CSMD3: variants seen among roughly 807,000 people sequenced by gnomAD.
The protein encoded by CSMD3 is CUB and Sushi multiple domains 3, also known as CUB and sushi domain-containing protein 3.
A neutral mutation model predicts 435.2 loss-of-function variants in CSMD3; 177 were observed. The observed-to-expected ratio is 0.41, with a 90% CI of 0.36 to 0.46. The LOEUF (loss-of-function observed/expected upper bound fraction) is 0.46, where lower values mean the gene tolerates loss of function less well. Among genes scored for constraint, CSMD3 ranks in the 20% least tolerant of loss-of-function variants. CSMD3 has a pLI of 0.34. For missense variants in CSMD3, 4,265 were observed against 4,504.6 expected (o/e 0.95, Z 1.52); for synonymous variants, 1,656 against 1,520.5 (o/e 1.09, Z -2.07).
intron 5 of CSMD3, among the ~76,000 whole-genome samples, chr8:113,046,087 T>TA (rs2087817317): frequency 6.7e-6 from 1 of 149,420 alleles, no homozygotes; most frequent in South Asian, 2.1e-4. Flanking sequence ...TCAGCTCATG[T>TA]GGTCTATCGG....
At chr8:112,662,047 C>T (rs942471094) in intron 17 of CSMD3, among the ~76,000 whole-genome samples, 1 of 152,084 alleles carries the variant, frequency 6.6e-6, no homozygotes, top group Admixed American at 6.6e-5. Context: ...GAAGAACATT[C>T]CATGCTCATG....
At chr8:112,977,123 T>C (rs1001022055) in intron 6 of CSMD3, among the ~76,000 whole-genome samples, 4 of 151,988 alleles carry the variant, frequency 2.6e-5, no homozygotes, top group Non-Finnish European at 5.9e-5. Context: ...ATAATACTTA[T>C]ATAATGAAAA....
chr8:112,342,392 C>T (rs1825210299), intron 41 of CSMD3, among the ~76,000 whole-genome samples: 1 of 152,108 alleles, frequency 6.6e-6, no homozygotes, highest in South Asian at 2.1e-4. Context: ...ATTAATTTAA[C>T]ACTCAATTTT....
intron 4 of CSMD3, among the ~76,000 whole-genome samples, chr8:113,163,598 T>C (rs956217904): frequency 1.3e-5 from 2 of 151,962 alleles, no homozygotes; most frequent in Non-Finnish European, 2.9e-5. Flanking sequence ...AAAATTAAGA[T>C]AATATTAATG....
intron 27 of CSMD3, among the ~76,000 whole-genome samples, chr8:112,536,841 A>G (rs2131109122): frequency 6.6e-6 from 1 of 152,140 alleles, no homozygotes; most frequent in Non-Finnish European, 1.5e-5. Context: ...ATGCAGCCAT[A>G]AAAAATGATG....
chr8:112,624,350 T>A (rs1164218400), intron 22 of CSMD3, among the ~76,000 whole-genome samples: 1 of 152,078 alleles, frequency 6.6e-6, no homozygotes, highest in Non-Finnish European at 1.5e-5. Flanking sequence ...TCTATTTTAG[T>A]CTTCTTTTTT....
intron 3 of CSMD3, among the ~76,000 whole-genome samples, chr8:113,206,042 T>C (rs887486952): frequency 6.6e-6 from 1 of 152,164 alleles, no homozygotes; most frequent in Non-Finnish European, 1.5e-5. Flanking sequence ...TTATATGTTA[T>C]CAACAGCTGT....
At chr8:113,394,909 G>C (rs549917751) in intron 1 of CSMD3, among the ~76,000 whole-genome samples, 2 of 152,248 alleles carry the variant, frequency 1.3e-5, no homozygotes, top group East Asian at 3.9e-4. Flanking sequence ...TGTCCTAGAG[G>C]ACGACTGAGA....
chr8:112,482,809 C>T (rs1233306068), intron 31 of CSMD3, among the ~76,000 whole-genome samples: 3 of 152,144 alleles, frequency 2.0e-5, no homozygotes, highest in South Asian at 4.1e-4. Context: ...AAAAATGTTG[C>T]TTTCTTGGGA....
intron 22 of CSMD3, among the ~76,000 whole-genome samples, chr8:112,626,559 T>A (rs190989320): frequency 3.9e-4 from 59 of 152,196 alleles, no homozygotes; most frequent in Middle Eastern, 6.8e-3. Context: ...AAAAATGGAA[T>A]TAGAACAAAT....
At chr8:112,601,173 G>C (rs140047380) in intron 22 of CSMD3, among the ~76,000 whole-genome samples, 9 of 151,882 alleles carry the variant, frequency 5.9e-5, no homozygotes, top group Non-Finnish European at 1.2e-4. Context: ...TAATCTAATA[G>C]ATTAATTTCT....
At chr8:112,643,492 T>C in intron 20 of CSMD3, 1 of 170,392 alleles carries the variant, frequency 5.9e-6, no homozygotes, top group Middle Eastern at 5.2e-4. Context: ...CGTCCGCATC[T>C]CTTGCCATGT....
At chr8:112,471,514 A>G (rs913217835) in intron 32 of CSMD3, among the ~76,000 whole-genome samples, 18 of 152,226 alleles carry the variant, frequency 1.2e-4, no homozygotes, top group Admixed American at 7.9e-4. Flanking sequence ...TGCTGGCATC[A>G]TCACTCTATT....
In CSMD3 at chr8:112,954,737, G is replaced by T; in HGVS notation, c.1367C>A (p.Ser456Tyr). Residue 456 changes from serine to tyrosine, a missense_variant, in exon 8 of 71, where the codon TCT becomes TAT. Physicochemically the swap from Ser to Tyr is moderately radical, Grantham distance 144 (BLOSUM62 -2). Transcript: ENST00000297405. ...CCCTGGAAACAATTTAAATCCTCTA[G>T]ATTTAAAATCTATGGCCTTTTTCAC... ...HRVKKAIDFK[S>Y]RGFKLFPGKD... 1 of 1,593,188 alleles carries T rather than the reference G, an allele frequency of 6.3e-7. No individual in the cohort carries two copies. The highest frequency in any genetic ancestry group is 8.6e-7 in the Non-Finnish European group (1 of 1,162,682).
chr8:112,230,648 G>T (rs1812999209), intron 69 of CSMD3, among the ~76,000 whole-genome samples: 1 of 151,918 alleles, frequency 6.6e-6, no homozygotes, highest in Non-Finnish European at 1.5e-5. Flanking sequence ...GCCAGGCATG[G>T]TAGCTAATTC....
intron 30 of CSMD3, among the ~76,000 whole-genome samples, chr8:112,493,957 A>G (rs935931692): frequency 1.3e-5 from 2 of 152,140 alleles, no homozygotes; most frequent in Admixed American, 6.5e-5. Context: ...CAGTGGGTAT[A>G]TCTCTGAATA....
chr8:112,465,105 AT>A (rs1488775891), intron 32 of CSMD3, among the ~76,000 whole-genome samples: 1 of 152,146 alleles, frequency 6.6e-6, no homozygotes, highest in East Asian at 1.9e-4. Context: ...ATTAAAACCC[AT>A]TTTAGAAAAA....
chr8:112,292,417 T>C, intron 55 of CSMD3, 120 bp downstream of exon 55: 1 of 909,850 alleles, frequency 1.1e-6, no homozygotes, highest in Non-Finnish European at 1.8e-6. Context: ...GTATTAAAGC[T>C]TTTTGTTTTA....
At chr8:112,808,016 T>C (rs2079133872) in intron 12 of CSMD3, among the ~76,000 whole-genome samples, 1 of 152,170 alleles carries the variant, frequency 6.6e-6, no homozygotes, top group South Asian at 2.1e-4. Flanking sequence ...AGACTATTAC[T>C]GTACTTACAT....
Sources: gnomAD v4.1 joint callset for allele counts (sites outside exome capture counted in the v4.1 genomes callset) on GRCh38, gnomAD v4.1.1 for gene constraint, MANE v1.5 for transcripts, NCBI Gene and HGNC (gene_info 2026-07-23, HGNC 2026-07-21) for gene names.